The following MACROD2 variants were observed in gnomAD, a reference collection of about 807,000 sequenced individuals.
MACROD2 encodes ADP-ribose glycohydrolase MACROD2.
In MACROD2, 36 loss-of-function variants were observed where a neutral mutation model predicts 70.4. That is an observed-to-expected ratio of 0.51 (90% CI 0.39 to 0.68). The LOEUF (loss-of-function observed/expected upper bound fraction) is 0.68. Among genes scored for constraint, MACROD2 ranks in the 30% least tolerant of loss-of-function variants. The probability of loss-of-function intolerance (pLI) is 0.00; values close to 1 mark genes in which losing one functional copy is unlikely to be tolerated. For synonymous variants in MACROD2, 172 were observed against 178.8 expected (o/e 0.96, Z 0.30); for missense variants, 496 against 538.4 (o/e 0.92, Z 0.78).
At chr20:14,806,172 G>A (rs902989033) in intron 5 of MACROD2, among the ~76,000 whole-genome samples, 3 of 152,136 alleles carry the variant, frequency 2.0e-5, no homozygotes, top group Admixed American at 6.5e-5. Context: ...GAAGAGGGCC[G>A]AATAGGATCA....
intron 17 of MACROD2, among the ~76,000 whole-genome samples, chr20:16,046,675 C>CTTTTTTTTTTT (rs557907668): frequency 1.2e-5 from 1 of 85,500 alleles, no homozygotes; most frequent in Non-Finnish European, 2.2e-5. Context: ...GGTGTCAAAA[C>CTTTTTTTTTTT]TTTTTTTTTT....
chr20:14,070,651 A>G (rs560334329), intron 2 of MACROD2, among the ~76,000 whole-genome samples: 17 of 152,198 alleles, frequency 1.1e-4, no homozygotes, highest in South Asian at 6.2e-4. Flanking sequence ...ACATGGCTGG[A>G]TTAAGACTAA....
chr20:14,172,429 T>C (rs2081230364), intron 3 of MACROD2, among the ~76,000 whole-genome samples: 1 of 150,324 alleles, frequency 6.7e-6, no homozygotes, highest in Non-Finnish European at 1.5e-5. Context: ...CTCAGCCTCC[T>C]GAGTAGGTTG....
intron 5 of MACROD2, among the ~76,000 whole-genome samples, chr20:15,088,854 G>T (rs2075772738): frequency 6.6e-6 from 1 of 152,072 alleles, no homozygotes; most frequent in East Asian, 1.9e-4. Context: ...GAGGAGAGTG[G>T]TATTAGGAAA....
At chr20:14,670,168 A>G (rs1256488145) in intron 4 of MACROD2, among the ~76,000 whole-genome samples, 2 of 152,114 alleles carry the variant, frequency 1.3e-5, no homozygotes, top group South Asian at 2.1e-4. Context: ...TTCACCAGCT[A>G]GTATATCCTT....
intron 5 of MACROD2, among the ~76,000 whole-genome samples, chr20:14,877,424 C>G (rs563379906): frequency 6.6e-6 from 1 of 151,678 alleles, no homozygotes; most frequent in African/African-American, 2.4e-5. Flanking sequence ...CTTTTTTTTC[C>G]TATTTGGATG....
intron 8 of MACROD2, among the ~76,000 whole-genome samples, chr20:15,768,186 A>G (rs941226311): frequency 1.3e-5 from 2 of 151,838 alleles, no homozygotes; most frequent in East Asian, 3.9e-4. Context: ...ACAATGGGGA[A>G]ATGTTCTGAG....
At chr20:14,113,588 G>A (rs998153270) in intron 3 of MACROD2, among the ~76,000 whole-genome samples, 2 of 152,030 alleles carry the variant, frequency 1.3e-5, no homozygotes, top group African/African-American at 2.4e-5. Flanking sequence ...ATGAATTCCA[G>A]TTCAAAATGG....
chr20:14,296,716 A>T (rs2082430414), intron 3 of MACROD2, among the ~76,000 whole-genome samples: 1 of 152,058 alleles, frequency 6.6e-6, no homozygotes, highest in African/African-American at 2.4e-5. Flanking sequence ...ATTACAAAGC[A>T]GTGTGTGCTG....
chr20:15,781,021 T>G (rs930165649), intron 8 of MACROD2, among the ~76,000 whole-genome samples: 2 of 152,138 alleles, frequency 1.3e-5, no homozygotes, highest in Admixed American at 6.5e-5. Flanking sequence ...AGCTATCTTT[T>G]CAGATTCAGC....
chr20:15,145,882 T>C (rs940596003), intron 5 of MACROD2, among the ~76,000 whole-genome samples: 3 of 152,104 alleles, frequency 2.0e-5, no homozygotes, highest in South Asian at 2.1e-4. Flanking sequence ...CCACCATTGA[T>C]ATGAAAGTGG....
chr20:14,500,070 G>A (rs981851642), intron 4 of MACROD2, among the ~76,000 whole-genome samples: 13 of 152,204 alleles, frequency 8.5e-5, no homozygotes, highest in African/African-American at 3.1e-4. Context: ...TGAATGATGA[G>A]TAGTAGTTTT....
rs888527395 is a variant in MACROD2, at chr20:14,236,181, G to C, written c.271+150453G>C. Among the ~76,000 whole-genome samples the C allele has an allele frequency of 5.9e-5, 9 of 152,186 alleles. No homozygotes were observed. In the East Asian group the frequency reaches 1.4e-3, roughly 23 times the overall value. ...AAATCCAGACTGCTTTGATTTGCTTGTGCTTACGTCCTATAATTTCAATGT... is the reference window on the plus strand; with the variant it reads ...AAATCCAGACTGCTTTGATTTGCTTCTGCTTACGTCCTATAATTTCAATGT... On this transcript the variant is annotated intron_variant, in intron 3 of 17. Coordinates refer to ENST00000684519, the MANE Select transcript of MACROD2 (RefSeq NM_001351661.2).
intron 3 of MACROD2, among the ~76,000 whole-genome samples, chr20:14,118,456 A>G (rs2054541274): frequency 6.6e-6 from 1 of 152,230 alleles, no homozygotes; most frequent in Non-Finnish European, 1.5e-5. Flanking sequence ...AGCTGAGGAG[A>G]AATACGAATT....
intron 5 of MACROD2, among the ~76,000 whole-genome samples, chr20:14,834,043 T>C (rs1336997369): frequency 1.3e-5 from 2 of 152,098 alleles, no homozygotes; most frequent in African/African-American, 4.8e-5. Context: ...CCCATCAAGC[T>C]GTAAAAATGT....
chr20:14,515,349 AGAG>A (rs1568648630), intron 4 of MACROD2, among the ~76,000 whole-genome samples: 1 of 152,096 alleles, frequency 6.6e-6, no homozygotes, highest in Non-Finnish European at 1.5e-5. Context: ...AGTGTGCCAA[AGAG>A]ATATCTGCAC....
chr20:14,154,004 A>G (rs1197450875), intron 3 of MACROD2, among the ~76,000 whole-genome samples: 1 of 152,238 alleles, frequency 6.6e-6, no homozygotes, highest in East Asian at 1.9e-4. Flanking sequence ...CTAAAATGCG[A>G]TAGGAATATT....
chr20:15,665,866 C>G (rs1406699916), intron 8 of MACROD2, among the ~76,000 whole-genome samples: 1 of 152,178 alleles, frequency 6.6e-6, no homozygotes, highest in Non-Finnish European at 1.5e-5. Context: ...CCTGTGGTGA[C>G]CCTCCTAAAA....
intron 13 of MACROD2, among the ~76,000 whole-genome samples, chr20:15,977,691 C>T (rs561110626): frequency 6.6e-6 from 1 of 152,226 alleles, no homozygotes; most frequent in East Asian, 1.9e-4. Flanking sequence ...GTAAGAGAGA[C>T]AAAGACAGAC....
Sources: allele counts gnomAD v4.1 joint callset (sites outside exome capture counted in the v4.1 genomes callset), GRCh38; gene constraint gnomAD v4.1.1; transcripts MANE v1.5; gene names NCBI Gene and HGNC (gene_info 2026-07-23, HGNC 2026-07-21).